SYT16: variants seen among roughly 807,000 people sequenced by gnomAD.
The protein encoded by SYT16 is synaptotagmin 16.
SYT16 carries 42 observed loss-of-function variants against 61.4 expected under a neutral mutation model. The ratio of observed to expected loss-of-function variants is 0.68; its 90% confidence interval spans 0.53 to 0.89. The LOEUF is 0.89. Ranked by LOEUF, SYT16 falls within the 40% of genes least tolerant of loss-of-function variation. The pLI is 0.00. For missense variants in SYT16, 804 were observed against 807.3 expected (o/e 1.00, Z 0.05); for synonymous variants, 314 against 302.3 (o/e 1.04, Z -0.40).
At chr14:62,039,436 C>CTA (rs1163332315) in intron 3 of SYT16, among the ~76,000 whole-genome samples, 1 of 152,046 alleles carries the variant, frequency 6.6e-6, no homozygotes, top group African/African-American at 2.4e-5. Context: ...ATTATGTATG[C>CTA]TAGGTCTATG....
At chr14:61,863,539 A>G (rs775217651) in intron 1 of SYT16, among the ~76,000 whole-genome samples, 7 of 152,194 alleles carry the variant, frequency 4.6e-5, no homozygotes, top group Non-Finnish European at 1.0e-4. Context: ...TGTTTTGCAA[A>G]TATCTTATTC....
At chr14:61,865,670 G>T (rs187955199) in intron 1 of SYT16, among the ~76,000 whole-genome samples, 102 of 152,236 alleles carry the variant, frequency 6.7e-4, no homozygotes, top group Admixed American at 2.7e-3. Context: ...GTGAATACAT[G>T]GACTCCTTTT....
At chr14:61,812,635 G>T, upstream of SYT16, 2 of 146,086 alleles carry the variant, frequency 1.4e-5, no homozygotes, top group South Asian at 3.7e-4. Flanking sequence ...GCTGGGCGCG[G>T]GGCGGCGCGG....
chr14:61,893,856 T>A (rs752992420), intron 1 of SYT16, among the ~76,000 whole-genome samples: 5 of 152,274 alleles, frequency 3.3e-5, no homozygotes, highest in Non-Finnish European at 5.9e-5. Context: ...ATTCTGCATC[T>A]TCTGATTCCG....
At chr14:62,014,925 T>C (rs1017351429) in intron 3 of SYT16, among the ~76,000 whole-genome samples, 3 of 152,204 alleles carry the variant, frequency 2.0e-5, no homozygotes, top group Non-Finnish European at 4.4e-5. Context: ...AAATACTAAG[T>C]ACACTTTATA....
intron 1 of SYT16, among the ~76,000 whole-genome samples, chr14:61,889,807 T>G (rs1199182037): frequency 1.3e-5 from 2 of 152,010 alleles, no homozygotes; most frequent in African/African-American, 4.8e-5. Context: ...TCTCTTTTCT[T>G]TATAAATTAC....
intron 2 of SYT16, among the ~76,000 whole-genome samples, chr14:61,980,960 T>TTG (rs3081455): frequency 0.55 from 81,481 of 148,986 alleles, 22,731 homozygotes; most frequent in East Asian, 0.76. Context: ...GTGTGTGTGT[T>TTG]TGTGTGTGTG....
intron 3 of SYT16, among the ~76,000 whole-genome samples, chr14:62,050,103 G>A (rs2055201684): frequency 6.6e-6 from 1 of 152,168 alleles, no homozygotes; most frequent in East Asian, 1.9e-4. Flanking sequence ...TCACTTTCAG[G>A]TACACCAGTC....
At chr14:61,998,090 G>C (rs1264455640) in intron 3 of SYT16, among the ~76,000 whole-genome samples, 1 of 152,004 alleles carries the variant, frequency 6.6e-6, no homozygotes. Context: ...TGAGAAAATT[G>C]ATGGTGAGAG....
chr14:62,022,184 T>C (rs906838959), intron 3 of SYT16, among the ~76,000 whole-genome samples: 1 of 152,180 alleles, frequency 6.6e-6, no homozygotes, highest in East Asian at 1.9e-4. Flanking sequence ...GAGACTGTTT[T>C]CTGTTAGCTT....
In SYT16 at chr14:62,100,821, C is replaced by A; in HGVS notation, c.*114C>A. On this transcript the variant is annotated 3_prime_UTR_variant, in exon 8 of 8. Coordinates refer to ENST00000683842, the MANE Select transcript of SYT16 (RefSeq NM_001367656.1). ...GGTTTCAAAAACAGATTCCACTAACCCCTAGGACATTGTGAGTGGGAGTTT... is the reference window on the plus strand; with the variant it reads ...GGTTTCAAAAACAGATTCCACTAACACCTAGGACATTGTGAGTGGGAGTTT... 9.4e-7 allele frequency: 1 copy of A among 1,061,794 alleles called. No individual in the cohort carries two copies. The highest frequency in any genetic ancestry group is 1.3e-6 in the Non-Finnish European group (1 of 753,840). 65.8% of individuals were successfully genotyped at this position (1,061,794 alleles called of 1,614,324 possible).
At chr14:61,890,254 C>T (rs1219372634) in intron 1 of SYT16, among the ~76,000 whole-genome samples, 2 of 152,116 alleles carry the variant, frequency 1.3e-5, no homozygotes, top group Non-Finnish European at 2.9e-5. Context: ...AGGACTGCCA[C>T]CCTGGACAAA....
intron 3 of SYT16, among the ~76,000 whole-genome samples, chr14:62,048,483 C>T (rs2055106511): frequency 1.3e-5 from 2 of 152,064 alleles, no homozygotes; most frequent in East Asian, 1.9e-4. Flanking sequence ...TCCTTCAGTT[C>T]TGCTCTGATC....
At chr14:62,053,535 T>C (rs1046050889) in intron 3 of SYT16, among the ~76,000 whole-genome samples, 1 of 152,242 alleles carries the variant, frequency 6.6e-6, no homozygotes, top group Non-Finnish European at 1.5e-5. Context: ...CACATTTATA[T>C]CCTATTGATT....
intron 1 of SYT16, among the ~76,000 whole-genome samples, chr14:61,919,623 C>T (rs1013914956): frequency 5.3e-5 from 8 of 152,160 alleles, no homozygotes; most frequent in South Asian, 4.2e-4. Flanking sequence ...TTATCTGATT[C>T]CCTCTGCCAG....
chr14:62,075,261 A>C lies in SYT16; in HGVS notation c.863A>C (p.Gln288Pro). 1 of 1,613,966 alleles carries C rather than the reference A, an allele frequency of 6.2e-7. No individual in the cohort carries two copies. The highest frequency in any genetic ancestry group is 8.5e-7 in the Non-Finnish European group (1 of 1,179,878). Residue 288 changes from glutamine to proline, a missense_variant, in exon 5 of 8, where the codon CAA becomes CCA. Transcript: ENST00000683842. ...GCCAAACACCACGGCACATCTCACCAAGAGTCCAGTGTGGTCCAAAGCCTC... is the reference window on the plus strand; with the variant it reads ...GCCAAACACCACGGCACATCTCACCCAGAGTCCAGTGTGGTCCAAAGCCTC... Reference protein sequence around the residue: ...GDAKHHGTSHQESSVVQSLRR... With the variant: ...GDAKHHGTSHPESSVVQSLRR...
At chr14:61,848,424 G>GTC (rs35391609) in intron 1 of SYT16, among the ~76,000 whole-genome samples, 183 of 150,832 alleles carry the variant, frequency 1.2e-3, no homozygotes, top group African/African-American at 4.1e-3. Context: ...AACAAAAGGA[G>GTC]TCTCTCTCTC....
intron 1 of SYT16, among the ~76,000 whole-genome samples, chr14:61,964,329 TAAC>T (rs1296191359): frequency 1.3e-5 from 2 of 152,186 alleles, no homozygotes; most frequent in African/African-American, 4.8e-5. Context: ...ATATCAATAT[TAAC>T]AAGAGTTTGG....
At position 62,100,686 on chromosome 14, in the gene SYT16, G is replaced by C. The variant is rs2057400322; in HGVS notation, c.1917G>C (p.Trp639Cys). The part of the protein sequence containing the change: ...KETKGQQICR[W>C]HTLLES The stretch of plus-strand genomic sequence containing the variant: ...CCAAAGGCCAGCAGATCTGCAGATG[G>C]CACACTTTGCTGGAATCCTAGGTTT... Residue 639 changes from tryptophan (W) to cysteine (C), a missense_variant, in exon 8 of 8, where the codon TGG becomes TGC. Transcript: ENST00000683842. 6.2e-7 allele frequency: 1 copy of C among 1,613,096 alleles called. No homozygotes were observed. Among genetic ancestry groups the C allele is most frequent in the Non-Finnish European group, 8.5e-7 (1 of 1,179,470 alleles).
Sources: gnomAD v4.1 joint callset for allele counts (sites outside exome capture counted in the v4.1 genomes callset) on GRCh38, gnomAD v4.1.1 for gene constraint, MANE v1.5 for transcripts, NCBI Gene and HGNC (gene_info 2026-07-23, HGNC 2026-07-21) for gene names.